The following ITGB1 variants were observed in gnomAD, a reference collection of about 807,000 sequenced individuals.
ITGB1 encodes integrin subunit beta 1.
ITGB1 carries 24 observed loss-of-function variants against 86.5 expected under a neutral mutation model. The ratio of observed to expected loss-of-function variants is 0.28; its 90% CI spans 0.20 to 0.39. The LOEUF (loss-of-function observed/expected upper bound fraction) is 0.39, where lower values mean the gene tolerates loss of function less well. ITGB1 is among the 10% of genes least tolerant of loss of function. The pLI is 1.00. For missense variants in ITGB1, 556 were observed against 946.9 expected (o/e 0.59, Z 5.42); for synonymous variants, 323 against 316.8 (o/e 1.02, Z -0.21).
intron 1 of ITGB1, among the ~76,000 whole-genome samples, chr10:32,951,180 A>G (rs2095041907): frequency 6.6e-6 from 1 of 152,198 alleles, no homozygotes; most frequent in Admixed American, 6.5e-5. Context: ...CAAGAAAGTC[A>G]GAAAATCTCA....
chr10:32,938,004 GAA>G (rs2095008329), intron 1 of ITGB1, among the ~76,000 whole-genome samples: 1 of 152,310 alleles, frequency 6.6e-6, no homozygotes, highest in Admixed American at 6.5e-5. Context: ...AGCGTAACGT[GAA>G]AAGTCATTCA....
intron 15 of ITGB1, among the ~76,000 whole-genome samples, chr10:32,902,182 C>A (rs1369137687): frequency 1.3e-5 from 2 of 152,156 alleles, no homozygotes; most frequent in Non-Finnish European, 2.9e-5. Flanking sequence ...AGTCACACTG[C>A]CAAATTTGCT....
intron 1 of ITGB1, among the ~76,000 whole-genome samples, chr10:32,950,463 G>T (rs2095040430): frequency 6.6e-6 from 1 of 152,040 alleles, no homozygotes; most frequent in South Asian, 2.1e-4. Context: ...CTTCCATCTG[G>T]CAGGAAGAGG....
chr10:32,927,145 A>C (rs2094967592), intron 5 of ITGB1, among the ~76,000 whole-genome samples: 1 of 152,190 alleles, frequency 6.6e-6, no homozygotes. Context: ...GAGCTCCCTA[A>C]TGCCATGGTC....
chr10:32,904,064 G>T (rs1045452318), intron 15 of ITGB1, among the ~76,000 whole-genome samples: 4 of 151,000 alleles, frequency 2.6e-5, no homozygotes, highest in Admixed American at 2.6e-4. Flanking sequence ...AGTCCAAAGT[G>T]TAATTTATAT....
In ITGB1 at chr10:32,922,825, C is replaced by T. The variant is rs559233452; in HGVS notation, c.943-90G>A. On this transcript the variant is annotated intron_variant, in intron 7 of 15. Transcript: ENST00000302278. Reference sequence around the variant, plus strand: ...ATCTAGTTATACATGCAAGATTACACATAACTCGATTACAAGACTGCTTTA... The same window carrying T: ...ATCTAGTTATACATGCAAGATTACATATAACTCGATTACAAGACTGCTTTA... The T allele has an allele frequency of 1.3e-4, 89 of 683,754 alleles. No homozygotes were observed. In the South Asian group the frequency reaches 1.8e-3, roughly 14 times the overall value. The allele number at this position is 683,754 out of a possible 1,614,324, so 42.4% of individuals were successfully genotyped here. A position where few individuals can be genotyped will look rare whatever the true frequency, so the allele number is the denominator to read the frequency against.
At chr10:32,904,853 T>C (rs2094891776) in intron 15 of ITGB1, among the ~76,000 whole-genome samples, 1 of 152,180 alleles carries the variant, frequency 6.6e-6, no homozygotes, top group Admixed American at 6.5e-5. Context: ...ATTTTAGCCA[T>C]ATATACATTA....
intron 11 of ITGB1, among the ~76,000 whole-genome samples, chr10:32,913,407 G>A (rs2094920149): frequency 6.6e-6 from 1 of 152,092 alleles, no homozygotes; most frequent in Non-Finnish European, 1.5e-5. Flanking sequence ...TCGCAAAGAA[G>A]CTAAAAACCT....
intron 11 of ITGB1, among the ~76,000 whole-genome samples, chr10:32,917,517 CA>C (rs767217937): frequency 6.6e-6 from 1 of 152,032 alleles, no homozygotes; most frequent in East Asian, 1.9e-4. Flanking sequence ...ACAACCCCAC[CA>C]AAAAGTGGGA....
In ITGB1 at chr10:32,922,652, C is replaced by A. The variant is rs752813282; in HGVS notation, c.1026G>T (p.Gln342His). 1 of 1,583,888 alleles carries A rather than the reference C, an allele frequency of 6.3e-7. No homozygotes were observed. Among genetic ancestry groups the A allele is most frequent in the Non-Finnish European group, 8.7e-7 (1 of 1,154,596 alleles). ...CTCACACATTTACCTTGTAAACAGG[C>A]TGAAATTCTTCAGTAACTGCAAAAA... is the stretch of plus-strand genomic sequence containing the variant. ...QTIFAVTEEFQPVYKELKNLI... is the reference protein window; with the variant it reads ...QTIFAVTEEFHPVYKELKNLI... The change falls in exon 8 of 16, where the codon CAG becomes CAT. Residue 342 changes from glutamine to histidine, a missense_variant. Transcript: ENST00000302278.
chr10:32,903,399 A>G (rs545772129), intron 15 of ITGB1, among the ~76,000 whole-genome samples: 88 of 150,708 alleles, frequency 5.8e-4, no homozygotes, highest in African/African-American at 1.9e-3. Context: ...TTAAGGGGGC[A>G]TATGATTGGA....
At chr10:32,951,785 G>A (rs891425533) in intron 1 of ITGB1, 1 of 152,152 alleles carries the variant, frequency 6.6e-6, no homozygotes, top group Non-Finnish European at 1.5e-5. Context: ...AGTTGGGAAC[G>A]GTTTTGGTTG....
chr10:32,954,488 C>T (rs2095048634), intron 1 of ITGB1, among the ~76,000 whole-genome samples: 4 of 152,138 alleles, frequency 2.6e-5, no homozygotes, highest in Admixed American at 2.6e-4. Context: ...CTAGGCATAC[C>T]TGTACCCAAA....
chr10:32,946,498 A>G (rs1424989932), intron 1 of ITGB1, among the ~76,000 whole-genome samples: 1 of 152,158 alleles, frequency 6.6e-6, no homozygotes, highest in African/African-American at 2.4e-5. Flanking sequence ...ACTGGAATCT[A>G]AAGTGATTCC....
At chr10:32,915,244 C>A (rs1593859807) in intron 11 of ITGB1, among the ~76,000 whole-genome samples, 2 of 152,176 alleles carry the variant, frequency 1.3e-5, no homozygotes, top group East Asian at 1.9e-4. Flanking sequence ...CCTAACATCA[C>A]AATTAAAAGA....
intron 12 of ITGB1, 81 bp downstream of exon 12, chr10:32,911,805 C>T (rs1415834847): frequency 1.4e-6 from 2 of 1,430,796 alleles, no homozygotes; most frequent in Non-Finnish European, 1.9e-6. Flanking sequence ...CCCTTTTCTA[C>T]TTATGCACCA....
intron 1 of ITGB1, among the ~76,000 whole-genome samples, chr10:32,944,301 C>A (rs555142168): frequency 6.6e-6 from 1 of 152,382 alleles, no homozygotes; most frequent in African/African-American, 2.4e-5. Flanking sequence ...CCACTAGCAG[C>A]GCTGCCAGCT....
At chr10:32,938,387 C>A (rs1178932798) in intron 1 of ITGB1, among the ~76,000 whole-genome samples, 1 of 152,170 alleles carries the variant, frequency 6.6e-6, no homozygotes, top group Non-Finnish European at 1.5e-5. Context: ...CTTCAGGATA[C>A]AACTCAGGCT....
intron 2 of ITGB1, 40 bp downstream of exon 2, chr10:32,935,452 C>A (rs374926715): frequency 1.5e-6 from 2 of 1,317,734 alleles, no homozygotes; most frequent in Non-Finnish European, 2.2e-6. Flanking sequence ...ATACAAGATA[C>A]GGAAATGAAA....
Sources: gnomAD v4.1 joint callset for allele counts (sites outside exome capture counted in the v4.1 genomes callset) on GRCh38, gnomAD v4.1.1 for gene constraint, MANE v1.5 for transcripts, NCBI Gene and HGNC (gene_info 2026-07-23, HGNC 2026-07-21) for gene names.